The following SVOP variants were observed in gnomAD, a reference collection of about 807,000 sequenced individuals.
SVOP encodes the protein synaptic vesicle 2-related protein.
A neutral mutation model predicts 69.1 loss-of-function variants in SVOP; 17 were observed. That is an observed-to-expected ratio of 0.25 (90% CI 0.17 to 0.37). The LOEUF is 0.37. Ranked by LOEUF, SVOP falls within the 10% of genes least tolerant of loss-of-function variation. The probability of loss-of-function intolerance (pLI) is 1.00; values close to 1 mark genes in which losing one functional copy is unlikely to be tolerated. For synonymous variants in SVOP, 238 were observed against 238.6 expected (o/e 1.00, Z 0.02); for missense variants, 435 against 597.5 (o/e 0.73, Z 2.84).
chr12:108,950,742 T>A (rs1010512816), intron 6 of SVOP, among the ~76,000 whole-genome samples: 3 of 152,202 alleles, frequency 2.0e-5, no homozygotes, highest in African/African-American at 7.2e-5. Context: ...CATCATTTAT[T>A]TAACTGCCCC....
intron 11 of SVOP, among the ~76,000 whole-genome samples, chr12:108,931,677 A>G: frequency 6.6e-6 from 1 of 152,104 alleles, no homozygotes; most frequent in East Asian, 1.9e-4. Context: ...ACTAAAAAAT[A>G]CAAAAAATTA....
chr12:109,019,660 G>C (rs181626352), intron 1 of SVOP, among the ~76,000 whole-genome samples: 1 of 152,028 alleles, frequency 6.6e-6, no homozygotes, highest in African/African-American at 2.4e-5. Flanking sequence ...TCTAGCATTT[G>C]TGAAATAATG....
At chr12:109,003,708 A>C (rs1004303986) in intron 1 of SVOP, among the ~76,000 whole-genome samples, 2 of 152,184 alleles carry the variant, frequency 1.3e-5, no homozygotes, top group Admixed American at 6.5e-5. Context: ...CCTGGGCTCA[A>C]GCGATCCTCC....
chr12:108,922,544 A>G (rs1424051132), intron 12 of SVOP, 146 bp downstream of exon 12: 1 of 646,506 alleles, frequency 1.5e-6, no homozygotes, highest in Non-Finnish European at 2.8e-6. Context: ...GTTCTTGACA[A>G]CTTATAGTTA....
chr12:108,984,419 G>C (rs1052693742), intron 1 of SVOP, among the ~76,000 whole-genome samples: 4 of 152,162 alleles, frequency 2.6e-5, no homozygotes, highest in Non-Finnish European at 4.4e-5. Context: ...TTCCTGCATT[G>C]GAATTGTGCT....
At chr12:108,982,807 C>CACT (rs2040146464) in intron 2 of SVOP, among the ~76,000 whole-genome samples, 8 of 145,896 alleles carry the variant, frequency 5.5e-5, no homozygotes, top group African/African-American at 1.8e-4. Context: ...TCATCACCAT[C>CACT]ATCATCATCA....
intron 10 of SVOP, 24 bp from the exon 11 acceptor site, chr12:108,934,295 T>C (rs2039842928): frequency 3.8e-6 from 6 of 1,577,476 alleles, no homozygotes; most frequent in South Asian, 1.2e-5. Context: ...GCAAGAAAGG[T>C]AAAGAAATGA....
chr12:108,922,133 CAT>C (rs2039751905), intron 12 of SVOP, among the ~76,000 whole-genome samples: 2 of 152,114 alleles, frequency 1.3e-5, no homozygotes, highest in African/African-American at 4.8e-5. Context: ...ACCAGGCTAC[CAT>C]GTCAGAGTTG....
intron 8 of SVOP, among the ~76,000 whole-genome samples, chr12:108,940,506 A>C (rs902243277): frequency 2.0e-5 from 3 of 152,180 alleles, no homozygotes; most frequent in African/African-American, 7.2e-5. Context: ...AGTGCAATAC[A>C]ATCACTTTAA....
rs985505594 is a variant in SVOP, at chr12:108,909,175, T to C, written c.*3360A>G. The C allele has an allele frequency of 5.9e-5, 9 of 152,184 alleles. No individual in the cohort carries two copies. The highest frequency in any genetic ancestry group is 1.9e-4 in the African/African-American group (8 of 41,438). 9.4% of individuals were successfully genotyped at this position (152,184 alleles called of 1,614,324 possible). A position where few individuals can be genotyped will look rare whatever the true frequency, so the allele number is the denominator to read the frequency against. On this transcript the variant is annotated 3_prime_UTR_variant, in exon 16 of 16. Coordinates refer to ENST00000610966, the MANE Select transcript of SVOP (RefSeq NM_018711.5). Reference sequence around the variant, plus strand: ...GGTTCTTGATAACATTGTTGAGCGTTGAACCTTCTCTGATCTCTGCCTGGT... The same window carrying C: ...GGTTCTTGATAACATTGTTGAGCGTCGAACCTTCTCTGATCTCTGCCTGGT...
chr12:108,993,383 A>AG (rs1333128359), intron 1 of SVOP, among the ~76,000 whole-genome samples: 1 of 151,444 alleles, frequency 6.6e-6, no homozygotes, highest in East Asian at 1.9e-4. Flanking sequence ...GCCTTCAAAA[A>AG]AAAAAAAAAA....
intron 11 of SVOP, among the ~76,000 whole-genome samples, chr12:108,926,754 C>T (rs745552481): frequency 6.6e-6 from 1 of 152,236 alleles, no homozygotes; most frequent in Non-Finnish European, 1.5e-5. Context: ...TGTAAATTCA[C>T]TTCAGCATTT....
chr12:108,918,150 T>TG, intron 13 of SVOP, 26 bp from the exon 14 acceptor site: 1 of 1,532,944 alleles, frequency 6.5e-7, no homozygotes, highest in Non-Finnish European at 8.8e-7. Context: ...AGGCAGATGA[T>TG]GGCATTTTTT....
intron 8 of SVOP, among the ~76,000 whole-genome samples, chr12:108,940,284 T>A (rs1593184272): frequency 6.6e-6 from 1 of 152,292 alleles, no homozygotes; most frequent in South Asian, 2.1e-4. Flanking sequence ...CTGTAAAGTG[T>A]TTCAAGCATG....
intron 5 of SVOP, among the ~76,000 whole-genome samples, chr12:108,970,655 G>A (rs757565935): frequency 1.3e-5 from 2 of 152,136 alleles, no homozygotes; most frequent in Non-Finnish European, 2.9e-5. Flanking sequence ...ATTGCATGGG[G>A]TCTTGTCAGA....
chr12:108,938,293 T>C (rs1382338136), intron 9 of SVOP, among the ~76,000 whole-genome samples: 1 of 152,210 alleles, frequency 6.6e-6, no homozygotes, highest in Non-Finnish European at 1.5e-5. Context: ...GAATCTTTTC[T>C]CCCCATGTGT....
intron 10 of SVOP, chr12:108,936,914 A>G: frequency 3.8e-6 from 1 of 263,642 alleles, no homozygotes; most frequent in South Asian, 4.8e-5. Context: ...GTAGAGTTAT[A>G]AGCCTGGTTC....
At chr12:108,932,939 T>A (rs1321916260) in intron 11 of SVOP, among the ~76,000 whole-genome samples, 1 of 152,120 alleles carries the variant, frequency 6.6e-6, no homozygotes, top group Non-Finnish European at 1.5e-5. Flanking sequence ...AGTGCAGTGG[T>A]GCAATCTCTG....
intron 1 of SVOP, among the ~76,000 whole-genome samples, chr12:109,012,237 C>T (rs936312674): frequency 2.0e-5 from 3 of 151,616 alleles, no homozygotes; most frequent in African/African-American, 7.3e-5. Flanking sequence ...GAGCCAAGAT[C>T]ACGCCACTGC....
Sources: gnomAD v4.1 joint callset for allele counts (sites outside exome capture counted in the v4.1 genomes callset) on GRCh38, gnomAD v4.1.1 for gene constraint, MANE v1.5 for transcripts, NCBI Gene and HGNC (gene_info 2026-07-23, HGNC 2026-07-21) for gene names.